Variants in ZNF25 observed in about 807,000 individuals in gnomAD.
The protein encoded by ZNF25 is zinc finger protein 25 (KOX 19).
In ZNF25, 21 loss-of-function variants were observed where a neutral mutation model predicts 30.9. That is an observed-to-expected ratio of 0.68 (90% confidence interval 0.48 to 0.98). The LOEUF is 0.98. Ranked by LOEUF, ZNF25 falls within the 50% of genes least tolerant of loss-of-function variation. The pLI is 0.00. For missense variants in ZNF25, 501 were observed against 529.9 expected (o/e 0.95, Z 0.54); for synonymous variants, 169 against 181.3 (o/e 0.93, Z 0.55).
chr10:37,957,377 G>A (rs778885559), intron 3 of ZNF25, 43 bp downstream of exon 3: 9 of 1,590,356 alleles, frequency 5.7e-6, no homozygotes, highest in Admixed American at 3.5e-5. Context: ...TGAGAAGATA[G>A]ATGCAAACTA....
chr10:37,968,198 C>G (rs1208657), intron 2 of ZNF25, among the ~76,000 whole-genome samples: 1 of 151,990 alleles, frequency 6.6e-6, no homozygotes, highest in African/African-American at 2.4e-5. Flanking sequence ...GCTGTGACTA[C>G]AGGCACATGC....
rs576144667 is a variant in ZNF25 at position 37,951,551 on chromosome 10, T to G, written c.*576A>C. The G allele has an allele frequency of 6.6e-6, 1 of 152,356 alleles. No homozygotes were observed. The highest frequency in any genetic ancestry group is 2.1e-4 in the South Asian group (1 of 4,826). 9.4% of individuals were successfully genotyped at this position (152,356 alleles called of 1,614,324 possible). ...AACTGTTTCCCTCAGTACAAATTATTTGAATTTTTATTGAACACCTTCCAA... is the reference window on the plus strand; with the variant it reads ...AACTGTTTCCCTCAGTACAAATTATGTGAATTTTTATTGAACACCTTCCAA... On this transcript the variant is annotated 3_prime_UTR_variant, in exon 6 of 6. Transcript: ENST00000302609.
chr10:37,955,180 A>G (rs2062442919), intron 4 of ZNF25, among the ~76,000 whole-genome samples: 1 of 152,182 alleles, frequency 6.6e-6, no homozygotes, highest in African/African-American at 2.4e-5. Flanking sequence ...TATGTTTGGA[A>G]AACATTTAAG....
intron 1 of ZNF25, 92 bp from the exon 2 acceptor site, chr10:37,971,899 A>G: frequency 1.3e-6 from 1 of 775,456 alleles, no homozygotes. Context: ...AAGGACCATG[A>G]TGAAGTAGCA....
chr10:37,957,947 C>T (rs1735591), intron 2 of ZNF25, among the ~76,000 whole-genome samples: 9,128 of 152,260 alleles, frequency 0.06, 352 homozygotes, highest in Middle Eastern at 0.095. Flanking sequence ...TACAGTAACA[C>T]ACTGTACAGG....
At chr10:37,956,926 A>AG in intron 4 of ZNF25, 94 bp downstream of exon 4, 1 of 909,192 alleles carries the variant, frequency 1.1e-6, no homozygotes, top group Non-Finnish European at 1.6e-6. Context: ...AAAAAAAAAA[A>AG]AAAAAAAAGT....
chr10:37,974,761 A>C (rs2063704556), intron 1 of ZNF25, among the ~76,000 whole-genome samples: 1 of 152,176 alleles, frequency 6.6e-6, no homozygotes, highest in African/African-American at 2.4e-5. Flanking sequence ...TCACTGCTAT[A>C]TATATATCCA....
chr10:37,969,165 T>C (rs186898376), intron 2 of ZNF25, among the ~76,000 whole-genome samples: 1 of 152,314 alleles, frequency 6.6e-6, no homozygotes, highest in Admixed American at 6.5e-5. Flanking sequence ...GAAACCCTTG[T>C]ACATTGCTAA....
At position 37,951,450 on chromosome 10, in the gene ZNF25, T is replaced by C. The variant is rs1489717043; in HGVS notation, c.*677A>G. On this transcript the variant is annotated 3_prime_UTR_variant, in exon 6 of 6. Transcript: ENST00000302609. ...TAACTTGTGCTTTTTAAAAGCTTCATATATGTAGACATTTGCAGGTTTCCT... is the reference window on the plus strand; with the variant it reads ...TAACTTGTGCTTTTTAAAAGCTTCACATATGTAGACATTTGCAGGTTTCCT... 6.6e-6 allele frequency: 1 copy of C among 152,266 alleles called. No homozygotes were observed. The highest frequency in any genetic ancestry group is 2.1e-4 in the South Asian group (1 of 4,834). 9.4% of individuals were successfully genotyped at this position (152,266 alleles called of 1,614,324 possible).
chr10:37,952,881 T>C lies in ZNF25; in HGVS notation c.617A>G (p.Gln206Arg). Reference sequence around the variant, plus strand: ...TTTCTGGTAGAAGGATTTTTCACACTGATTACATTCATAGGGTTTCTCTCC... The same window carrying C: ...TTTCTGGTAGAAGGATTTTTCACACCGATTACATTCATAGGGTTTCTCTCC... ...HAGEKPYECN[Q>R]CEKSFYQKPH... Residue 206 changes from glutamine to arginine, a missense_variant, in exon 6 of 6, where the codon CAG becomes CGG. By Grantham distance (43) the Gln-to-Arg change is conservative (BLOSUM62 1). Coordinates refer to ENST00000302609, the MANE Select transcript of ZNF25 (RefSeq NM_145011.4). The C allele has an allele frequency of 6.2e-7, 1 of 1,614,216 alleles. No homozygotes were observed. The highest frequency in any genetic ancestry group is 8.5e-7 in the Non-Finnish European group (1 of 1,180,020).
At chr10:37,976,094 C>A (rs1338073315) in intron 1 of ZNF25, among the ~76,000 whole-genome samples, 3 of 152,224 alleles carry the variant, frequency 2.0e-5, no homozygotes, top group Non-Finnish European at 4.4e-5. Flanking sequence ...CTGTATCATA[C>A]TTTACATCTA....
chr10:37,957,468 G>C lies in ZNF25; in HGVS notation c.94C>G (p.Leu32Val). ...WKLLTPAQRT[L>V]YKDVMLENYS... is the part of the protein sequence containing the mutation. ...TTTTCCAGCATCACATCCTTATACA[G>C]AGTCCTCTGAGCAGGGGTCAGTAAC... Residue 32 changes from leucine to valine, a missense_variant, in exon 3 of 6, where the codon CTG becomes GTG. Coordinates refer to ENST00000302609, the MANE Select transcript of ZNF25 (RefSeq NM_145011.4). 1 of 1,613,874 alleles carries C rather than the reference G, an allele frequency of 6.2e-7. No individual in the cohort carries two copies. Among genetic ancestry groups the C allele is most frequent in the Non-Finnish European group, 8.5e-7 (1 of 1,179,906 alleles).
At chr10:37,961,552 G>A (rs1036315416) in intron 2 of ZNF25, among the ~76,000 whole-genome samples, 1 of 152,006 alleles carries the variant, frequency 6.6e-6, no homozygotes, top group Admixed American at 6.6e-5. Context: ...TACAAACGAT[G>A]CACCATATTT....
At chr10:37,967,519 C>G (rs1014794951) in intron 2 of ZNF25, among the ~76,000 whole-genome samples, 12 of 151,850 alleles carry the variant, frequency 7.9e-5, no homozygotes, top group Non-Finnish European at 1.8e-4. Context: ...CAGGTGATGC[C>G]CCCACCTCAG....
In ZNF25 at chr10:37,952,520, C is replaced by T. The variant is rs769366614; in HGVS notation, c.978G>A (p.Lys326=). ...CKECRKCFYQ[K]SALTVHQRTH... ...TTCGCTGATGTACTGTGAGGGCTGA[C>T]TTCTGGTAGAAGCATTTCCTACATT... is the stretch of plus-strand genomic sequence containing the variant. Residue 326 remains lysine (K), a synonymous_variant, in exon 6 of 6, where the codon AAG becomes AAA. Coordinates refer to ENST00000302609, the MANE Select transcript of ZNF25 (RefSeq NM_145011.4). 40 of 1,613,184 alleles carry T rather than the reference C, an allele frequency of 2.5e-5. No individual in the cohort carries two copies. Among genetic ancestry groups the T allele is most frequent in the Non-Finnish European group, 3.4e-5 (40 of 1,179,714 alleles).
At chr10:37,972,373 G>A (rs534225257) in intron 1 of ZNF25, among the ~76,000 whole-genome samples, 48 of 152,254 alleles carry the variant, frequency 3.2e-4, no homozygotes, top group Admixed American at 9.2e-4. Context: ...AATAAACTTA[G>A]TGATTGTCTT....
At position 37,962,594 on chromosome 10, in the gene ZNF25, T is replaced by C. The variant is rs199600343; in HGVS notation, c.16-5048A>G. Among the ~76,000 whole-genome samples, 31 of 152,310 alleles carry C rather than the reference T, an allele frequency of 2.0e-4. No homozygotes were observed. The East Asian group carries it at 3.1e-3, about 15-fold the overall frequency. Reference sequence around the variant, plus strand: ...TACTTGAAAATAATAGGTGAGCACTTTGTTTAATGTTATTAGAAAATAACA... The same window carrying C: ...TACTTGAAAATAATAGGTGAGCACTCTGTTTAATGTTATTAGAAAATAACA... On this transcript the variant is annotated intron_variant, in intron 2 of 5. Coordinates refer to ENST00000302609, the MANE Select transcript of ZNF25 (RefSeq NM_145011.4).
At chr10:37,954,904 G>C (rs554996223) in intron 4 of ZNF25, among the ~76,000 whole-genome samples, 1 of 151,940 alleles carries the variant, frequency 6.6e-6, no homozygotes, top group East Asian at 1.9e-4. Context: ...CTGTAATCCC[G>C]GCACTTTGAG....
At chr10:37,966,029 A>G (rs1212376906) in intron 2 of ZNF25, among the ~76,000 whole-genome samples, 1 of 152,172 alleles carries the variant, frequency 6.6e-6, no homozygotes, top group African/African-American at 2.4e-5. Context: ...AACACTCACA[A>G]AAGGAAATGA....
Sources: gnomAD v4.1 joint callset for allele counts (sites outside exome capture counted in the v4.1 genomes callset) on GRCh38, gnomAD v4.1.1 for gene constraint, MANE v1.5 for transcripts, NCBI Gene and HGNC (gene_info 2026-07-23, HGNC 2026-07-21) for gene names.